The following RBM6 variants were observed in gnomAD, a reference collection of about 807,000 sequenced individuals.
RBM6 encodes RNA binding motif protein 6.
RBM6 carries 23 observed loss-of-function variants against 140.4 expected under a neutral mutation model. The observed-to-expected ratio is 0.16, with a 90% CI of 0.12 to 0.23. RBM6 has a LOEUF of 0.23. Ranked by LOEUF, RBM6 falls within the 10% of genes least tolerant of loss-of-function variation. The probability of loss-of-function intolerance (pLI) is 1.00; values close to 1 mark genes in which losing one functional copy is unlikely to be tolerated. For synonymous variants in RBM6, 439 were observed against 475.6 expected, an observed-to-expected ratio of 0.92 and a Z score of 1.00; for missense variants, 1,139 against 1,386.7, an observed-to-expected ratio of 0.82 and a Z score of 2.84.
At chr3:49,973,662 T>C (rs2681778) in intron 4 of RBM6, among the ~76,000 whole-genome samples, 69,683 of 146,402 alleles carry the variant, frequency 0.48, 17,220 homozygotes, top group African/African-American at 0.53. Context: ...CTCGGCTCAC[T>C]GCAACCTCTG....
At chr3:49,979,215 G>T (rs2085193022) in intron 5 of RBM6, among the ~76,000 whole-genome samples, 1 of 152,124 alleles carries the variant, frequency 6.6e-6, no homozygotes, top group African/African-American at 2.4e-5. Flanking sequence ...GAAATATCTA[G>T]AGAAGGCACA....
intron 1 of RBM6, among the ~76,000 whole-genome samples, chr3:49,950,987 TG>T (rs1434800508): frequency 1.2e-4 from 19 of 152,156 alleles, no homozygotes; most frequent in Non-Finnish European, 2.2e-4. Flanking sequence ...AAATGTGGTA[TG>T]TACATATAAC....
intron 17 of RBM6, 142 bp from the exon 18 acceptor site, chr3:50,068,548 G>A: frequency 1.5e-6 from 1 of 645,622 alleles, no homozygotes; most frequent in South Asian, 2.4e-5. Context: ...GGGATTGTTG[G>A]TTGCAGGATA....
At chr3:50,053,650 A>G (rs1025981280) in intron 7 of RBM6, among the ~76,000 whole-genome samples, 1 of 152,080 alleles carries the variant, frequency 6.6e-6, no homozygotes, top group Non-Finnish European at 1.5e-5. Flanking sequence ...TCCTCTTTAT[A>G]GTTCTTACTC....
chr3:50,052,948 C>G (rs985898631), intron 7 of RBM6, among the ~76,000 whole-genome samples: 1 of 151,188 alleles, frequency 6.6e-6, no homozygotes, highest in African/African-American at 2.4e-5. Context: ...TATACTCACC[C>G]TGTGGGAAGG....
intron 4 of RBM6, among the ~76,000 whole-genome samples, chr3:49,972,955 C>T (rs772731571): frequency 1.6e-4 from 25 of 152,086 alleles, no homozygotes; most frequent in Non-Finnish European, 2.5e-4. Context: ...CGCAGCCTCC[C>T]GAGTAGCTGG....
At chr3:50,057,198 C>T (rs1354405350) in intron 8 of RBM6, among the ~76,000 whole-genome samples, 1 of 152,176 alleles carries the variant, frequency 6.6e-6, no homozygotes, top group Non-Finnish European at 1.5e-5. Flanking sequence ...ATAGTTTCTT[C>T]TGTGAACTAT....
chr3:49,980,996 G>A lies in RBM6; in HGVS notation c.1483+5604G>A, dbSNP rs1203694995. ...CGGCTCACTGCAACCTCCGCCTCCT[G>A]GGTTCAAGCGATTCTCCTGCCTCAG... On this transcript the variant is annotated intron_variant, in intron 5 of 20. Coordinates refer to ENST00000266022, the MANE Select transcript of RBM6 (RefSeq NM_005777.3). Among the ~76,000 whole-genome samples the A allele has an allele frequency of 2.0e-5, 3 of 151,696 alleles. No homozygotes were observed. The East Asian group carries it at 5.9e-4, about 30-fold the overall frequency.
chr3:50,047,223 G>T, intron 6 of RBM6: 1 of 985,174 alleles, frequency 1.0e-6, no homozygotes, highest in Non-Finnish European at 1.2e-6. Flanking sequence ...CAATTGCAAA[G>T]AAATGGCTTG....
intron 1 of RBM6, among the ~76,000 whole-genome samples, chr3:49,955,139 G>T (rs1470694018): frequency 1.4e-5 from 2 of 138,654 alleles, no homozygotes; most frequent in African/African-American, 5.4e-5. Context: ...TCTTAGGGCC[G>T]CATAGTATTT....
At chr3:49,985,646 G>A (rs928441773) in intron 5 of RBM6, among the ~76,000 whole-genome samples, 2 of 151,796 alleles carry the variant, frequency 1.3e-5, no homozygotes, top group Non-Finnish European at 1.5e-5. Context: ...TCACTCTGTC[G>A]CCCAGGCTGG....
At chr3:49,991,953 T>TTTATTTTATTTTATTTTATTTATG (rs1553645347) in intron 5 of RBM6, among the ~76,000 whole-genome samples, 14 of 151,512 alleles carry the variant, frequency 9.2e-5, no homozygotes, top group East Asian at 3.9e-4. Context: ...TTTTATTTAT[T>TTTATTTTATTTTATTTTATTTATG]TATTTATTTA....
At chr3:50,025,846 A>T (rs935487986) in intron 6 of RBM6, among the ~76,000 whole-genome samples, 1 of 151,916 alleles carries the variant, frequency 6.6e-6, no homozygotes, top group African/African-American at 2.4e-5. Flanking sequence ...AGACCACATT[A>T]TTTCATTTTA....
intron 6 of RBM6, among the ~76,000 whole-genome samples, chr3:50,024,239 C>G (rs2087671544): frequency 6.6e-6 from 1 of 152,134 alleles, no homozygotes; most frequent in South Asian, 2.1e-4. Context: ...ATGGAAAGAA[C>G]AGTCCTTCTA....
Position 50,062,230 on chromosome 3 carries a change from C to T in RBM6, c.2586+122C>T, listed in dbSNP as rs554878718. On this transcript the variant is annotated intron_variant, in intron 15 of 20. Transcript: ENST00000266022. ...CTTTAAAAATACTCTGTCAGCCGGG[C>T]GTGGTGGCTAACGCCTGTAATCCCA... The T allele has an allele frequency of 5.0e-5, 61 of 1,209,820 alleles. No homozygotes were observed. In the African/African-American group the frequency reaches 5.1e-4, roughly 10 times the overall value. The allele number at this position is 1,209,820 out of a possible 1,614,324, so 74.9% of individuals were successfully genotyped here. A position where few individuals can be genotyped will look rare whatever the true frequency, so the allele number is the denominator to read the frequency against.
chr3:50,067,304 T>G (rs1246784429), intron 17 of RBM6, among the ~76,000 whole-genome samples: 2 of 151,810 alleles, frequency 1.3e-5, no homozygotes. Flanking sequence ...TTGCTCTGGA[T>G]TAAGGTTATG....
chr3:50,075,260 A>C lies in RBM6; in HGVS notation c.3176A>C (p.Gln1059Pro). The C allele has an allele frequency of 6.2e-7, 1 of 1,614,198 alleles. No homozygotes were observed. The highest frequency in any genetic ancestry group is 8.5e-7 in the Non-Finnish European group (1 of 1,180,018). ...ACTAGCAGCAAAGGAGGCTGTGTCC[A>C]ACAGGCTACTGGCTGGAGGAAAGGG... ...IDTSSKGGCVQQATGWRKGTG... is the reference protein window; with the variant it reads ...IDTSSKGGCVPQATGWRKGTG... Residue 1059 changes from glutamine (Q) to proline (P), a missense_variant, in exon 20 of 21, where the codon CAA becomes CCA. Gln to Pro is a moderately conservative substitution (Grantham distance 76). Around this residue, in one of 9 missense-constraint regions of RBM6, gnomAD observed 125 missense variants for 142.0 expected, o/e 0.88. Transcript: ENST00000266022.
rs765435778 is a variant in RBM6, at chr3:50,016,082, G to T, written c.1557+16569G>T. ...TATACTCTTTGACTAACATTCTCCC[G>T]TTCTCCTCCACCCGCCTTCTCCACC... On this transcript the variant is annotated intron_variant, in intron 6 of 20. Coordinates refer to ENST00000266022, the MANE Select transcript of RBM6 (RefSeq NM_005777.3). Among the ~76,000 whole-genome samples the T allele has an allele frequency of 6.6e-5, 10 of 152,070 alleles. 1 individual carries two copies. The South Asian group carries it at 1.9e-3, about 28-fold the overall frequency.
At chr3:49,996,113 GT>G (rs2086074618) in intron 5 of RBM6, among the ~76,000 whole-genome samples, 1 of 152,124 alleles carries the variant, frequency 6.6e-6, no homozygotes, top group South Asian at 2.1e-4. Context: ...TGTGGCTTCA[GT>G]TTGTCTCCTT....
Sources: gnomAD v4.1 joint callset for allele counts (sites outside exome capture counted in the v4.1 genomes callset) on GRCh38, gnomAD v4.1.1 for gene constraint, gnomAD v4.1.1 regional missense constraint, MANE v1.5 for transcripts, NCBI Gene and HGNC (gene_info 2026-07-23, HGNC 2026-07-21) for gene names.